Variants in BTN2A1 observed in about 807,000 individuals in gnomAD.
BTN2A1 encodes butyrophilin, subfamily 2, member A1.
Under a neutral mutation model 34.5 loss-of-function variants are expected in BTN2A1, and 41 were observed. The observed-to-expected ratio is 1.19, with a 90% CI of 0.93 to 1.54. BTN2A1 has a LOEUF of 1.54. Among genes scored for constraint, BTN2A1 ranks in the 40% most tolerant of loss-of-function variants. The probability of loss-of-function intolerance (pLI) is 0.00; values close to 1 mark genes in which losing one functional copy is unlikely to be tolerated. For missense variants in BTN2A1, 642 were observed against 662.0 expected, an observed-to-expected ratio of 0.97 and a Z score of 0.33; for synonymous variants, 267 against 258.6, an observed-to-expected ratio of 1.03 and a Z score of -0.31.
At chr6:26,463,667 C>T (rs1317989589) in intron 4 of BTN2A1, 142 bp downstream of exon 4, 1 of 994,970 alleles carries the variant, frequency 1.0e-6, no homozygotes, top group African/African-American at 1.6e-5. Flanking sequence ...CTGAGTGAAG[C>T]CTTTCCGCTT....
At chr6:26,473,655 A>G (rs1763487599), downstream of BTN2A1, among the ~76,000 whole-genome samples, 1 of 152,256 alleles carries the variant, frequency 6.6e-6, no homozygotes, top group African/African-American at 2.4e-5. Flanking sequence ...TATCATTTTA[A>G]TTAATACCTA....
At position 26,463,399 on chromosome 6, in the gene BTN2A1, G is replaced by A. The variant is rs1476186313; in HGVS notation, c.586G>A (p.Asp196Asn). The stretch of plus-strand genomic sequence containing the variant: ...TGCCCTGAAAGAGGTCTCCATGCCT[G>A]ATGCAGACGGCCTCTTCATGGTCAC... The part of the protein sequence containing the change: ...APALKEVSMP[D>N]ADGLFMVTTA... The change falls in exon 4 of 8, where the codon GAT becomes AAT. Residue 196 changes from aspartate to asparagine, a missense_variant. Asp to Asn is a conservative substitution (Grantham distance 23). Transcript: ENST00000312541. 3 of 1,613,472 alleles carry A rather than the reference G, an allele frequency of 1.9e-6. No individual in the cohort carries two copies. Among genetic ancestry groups the A allele is most frequent in the Non-Finnish European group, 8.5e-7 (1 of 1,179,496 alleles).
intron 2 of BTN2A1, 21 bp from the exon 3 acceptor site, chr6:26,459,460 C>G: frequency 6.2e-7 from 1 of 1,608,922 alleles, no homozygotes; most frequent in Non-Finnish European, 8.5e-7. Flanking sequence ...CTTTGTCTGA[C>G]TCTACCCCTT....
Position 26,468,244 on chromosome 6 carries a change from C to T in BTN2A1, c.1279C>T (p.His427Tyr). The T allele has an allele frequency of 1.2e-6, 2 of 1,614,170 alleles. No homozygotes were observed. Among genetic ancestry groups the T allele is most frequent in the South Asian group, 1.1e-5 (1 of 91,080 alleles). The change falls in exon 8 of 8, where the codon CAT becomes TAT. Residue 427 changes from histidine to tyrosine, a missense_variant. Physicochemically the swap from His to Tyr is moderately conservative, Grantham distance 83. Transcript: ENST00000312541. ...PQNGFWTLEM[H>Y]KGQYRAVSSP... Reference sequence around the variant, plus strand: ...GAATGGCTTCTGGACCTTGGAGATGCATAAAGGGCAATACCGGGCCGTGTC... The same window carrying T: ...GAATGGCTTCTGGACCTTGGAGATGTATAAAGGGCAATACCGGGCCGTGTC...
chr6:26,468,047 G>C lies in BTN2A1; in HGVS notation c.1082G>C (p.Ser361Thr), dbSNP rs1287650778. The change falls in exon 8 of 8, where the codon AGC (serine) becomes ACC (threonine). Residue 361 changes from serine to threonine, a missense_variant. Transcript: ENST00000312541. Reference sequence around the variant, plus strand: ...TGCCCCTTCAGGCACCTAGGGGAGAGCGTGCCTGACAACCCAGAGAGATTC... The same window carrying C: ...TGCCCCTTCAGGCACCTAGGGGAGACCGTGCCTGACAACCCAGAGAGATTC... ...RRCPFRHLGE[S>T]VPDNPERFDS... 1 of 1,614,112 alleles carries C rather than the reference G, an allele frequency of 6.2e-7. No homozygotes were observed. Among genetic ancestry groups the C allele is most frequent in the Non-Finnish European group, 8.5e-7 (1 of 1,180,048 alleles).
At chr6:26,463,660 AGT>A in intron 4 of BTN2A1, 135 bp downstream of exon 4, 1 of 1,047,988 alleles carries the variant, frequency 9.5e-7, no homozygotes, top group Non-Finnish European at 1.4e-6. Context: ...GCTGCAGCTG[AGT>A]GAAGCCTTTC....
rs757615588 is a variant in BTN2A1, at chr6:26,468,552, T to G, written c.*3T>G. Reference sequence around the variant, plus strand: ...TGGGGACCCACCAGAGCCTATAGAATCAATTCCTTGGTCTCACAGCCATGT... The same window carrying G: ...TGGGGACCCACCAGAGCCTATAGAAGCAATTCCTTGGTCTCACAGCCATGT... On this transcript the variant is annotated 3_prime_UTR_variant, in exon 8 of 8. Transcript: ENST00000312541. 13 of 1,613,946 alleles carry G rather than the reference T, an allele frequency of 8.1e-6. No individual in the cohort carries two copies. The highest frequency in any genetic ancestry group is 1.1e-5 in the Non-Finnish European group (13 of 1,180,022).
At chr6:26,471,641 AAAGAG>A (rs1374054364), downstream of BTN2A1, among the ~76,000 whole-genome samples, 1 of 150,310 alleles carries the variant, frequency 6.7e-6, no homozygotes, top group Admixed American at 6.6e-5. Flanking sequence ...TCAAAAAAGA[AAAGAG>A]AGAGAAGGAA....
Position 26,468,791 on chromosome 6 carries a change from T to C in BTN2A1, c.*242T>C. The C allele has an allele frequency of 1.3e-6, 2 of 1,593,422 alleles. No homozygotes were observed. Among genetic ancestry groups the C allele is most frequent in the Non-Finnish European group, 1.7e-6 (2 of 1,168,174 alleles). ...ATGGGATCCAGGCATAGGGAACTAG[T>C]TGTTACACAGCTCCCAGCCAAGAAG... On this transcript the variant is annotated 3_prime_UTR_variant, in exon 8 of 8. Coordinates refer to ENST00000312541, the MANE Select transcript of BTN2A1 (RefSeq NM_007049.5).
chr6:26,459,663 A>T lies in BTN2A1; in HGVS notation c.265A>T (p.Met89Leu), dbSNP rs1245655538. Residue 89 changes from methionine to leucine, a missense_variant, in exon 3 of 8, where the codon ATG becomes TTG. Met to Leu is a conservative substitution (Grantham distance 15). Transcript: ENST00000312541. Reference sequence around the variant, plus strand: ...TGGCAGAGAGAGAACAGAGGAGCAGATGGAGGAGTACCGAGGAAGAACCAC... The same window carrying T: ...TGGCAGAGAGAGAACAGAGGAGCAGTTGGAGGAGTACCGAGGAAGAACCAC... The part of the protein sequence containing the change: ...KGGRERTEEQ[M>L]EEYRGRTTFV... The T allele has an allele frequency of 6.2e-7, 1 of 1,614,024 alleles. No individual in the cohort carries two copies. Among genetic ancestry groups the T allele is most frequent in the Non-Finnish European group, 8.5e-7 (1 of 1,180,022 alleles).
intron 2 of BTN2A1, 109 bp from the exon 3 acceptor site, chr6:26,459,372 C>T: frequency 1.6e-6 from 2 of 1,249,412 alleles, no homozygotes; most frequent in South Asian, 2.9e-5. Flanking sequence ...CCAAAGAGAC[C>T]CTATGGCCAT....
In BTN2A1 at chr6:26,458,693, C is replaced by A. The variant is rs1390682938; in HGVS notation, c.57C>A (p.Leu19=). 6.2e-7 allele frequency: 1 copy of A among 1,614,168 alleles called. No homozygotes were observed. The highest frequency in any genetic ancestry group is 1.1e-5 in the South Asian group (1 of 91,078). The change falls in exon 2 of 8, where the codon CTC becomes CTA. Residue 19 remains leucine, a synonymous_variant. Coordinates refer to ENST00000312541, the MANE Select transcript of BTN2A1 (RefSeq NM_007049.5). ...GGCCAGCCTCCCTCCTCCTCCTCCT[C>A]CTCAGCCTGTGTGCACTGGTCTCAG... ...FSRPASLLLL[L]LSLCALVSAQ...
intron 7 of BTN2A1, among the ~76,000 whole-genome samples, chr6:26,475,886 A>G (rs933911449): frequency 2.0e-5 from 3 of 152,246 alleles, no homozygotes; most frequent in South Asian, 2.1e-4. Flanking sequence ...AAGAACATCA[A>G]TCTAAATTTA....
Position 26,463,287 on chromosome 6 carries a change from CG to C in BTN2A1, c.479del (p.Gly160AlafsTer30). The C allele has an allele frequency of 6.2e-7, 1 of 1,613,222 alleles. No homozygotes were observed. The highest frequency in any genetic ancestry group is 2.2e-5 in the East Asian group (1 of 44,870). Reference sequence around the variant, plus strand: ...TCATTTCAATGAGGGGCCATGAAGACGGGGGCATCCGGCTGGAGTGCATATC... The same window carrying C: ...TCATTTCAATGAGGGGCCATGAAGACGGGGCATCCGGCTGGAGTGCATATC... ...PLISMRGHED[G>X]GIRLECISRG... On this transcript the variant is annotated frameshift_variant, in exon 4 of 8. Transcript: ENST00000312541. LOFTEE classifies it high-confidence loss of function.
In BTN2A1 at chr6:26,459,714, G is replaced by T; in HGVS notation, c.316G>T (p.Gly106Cys). The T allele has an allele frequency of 3.7e-6, 6 of 1,614,160 alleles. No individual in the cohort carries two copies. The highest frequency in any genetic ancestry group is 4.2e-6 in the Non-Finnish European group (5 of 1,180,026). ...TTFVSKDISR[G>C]SVALVIHNIT... is the part of the protein sequence containing the mutation. ...CTTTGTGAGCAAAGACATCAGCAGG[G>T]GCAGCGTGGCCCTGGTCATACACAA... is the stretch of plus-strand genomic sequence containing the variant. The change falls in exon 3 of 8, where the codon GGC (glycine) becomes TGC (cysteine). Residue 106 changes from glycine to cysteine, a missense_variant. Physicochemically the swap from Gly to Cys is radical, Grantham distance 159. Coordinates refer to ENST00000312541, the MANE Select transcript of BTN2A1 (RefSeq NM_007049.5).
rs1763415175 is a variant in BTN2A1, at chr6:26,469,627, T to A, written c.*1078T>A. On this transcript the variant is annotated 3_prime_UTR_variant, in exon 8 of 8. Transcript: ENST00000312541. Reference sequence around the variant, plus strand: ...GTATCCAAAGCAAAATAAATTTTATTGTGAAGTGTGGCATTGATTAACTTT... The same window carrying A: ...GTATCCAAAGCAAAATAAATTTTATAGTGAAGTGTGGCATTGATTAACTTT... 1 of 152,934 alleles carries A rather than the reference T, an allele frequency of 6.5e-6. No individual in the cohort carries two copies. The allele number at this position is 152,934 out of a possible 1,614,324, so 9.5% of individuals were successfully genotyped here. A position where few individuals can be genotyped will look rare whatever the true frequency, so the allele number is the denominator to read the frequency against.
intron 5 of BTN2A1, 127 bp downstream of exon 5, chr6:26,465,533 TAAAAAAAAAAA>T (rs1248144461): frequency 1.6e-6 from 1 of 610,094 alleles, no homozygotes; most frequent in African/African-American, 1.9e-5. Flanking sequence ...CCTGTTTAAT[TAAAAAAAAAAA>T]GAAAAGAAAA....
At position 26,468,848 on chromosome 6, in the gene BTN2A1, G is replaced by C; in HGVS notation, c.*299G>C. On this transcript the variant is annotated 3_prime_UTR_variant, in exon 8 of 8. Coordinates refer to ENST00000312541, the MANE Select transcript of BTN2A1 (RefSeq NM_007049.5). Reference sequence around the variant, plus strand: ...TGAGAAGTTGATGGGCAGCAAACCTGCTGTTTAACATCAGGGTGACCACAT... The same window carrying C: ...TGAGAAGTTGATGGGCAGCAAACCTCCTGTTTAACATCAGGGTGACCACAT... 6.7e-7 allele frequency: 1 copy of C among 1,495,300 alleles called. No individual in the cohort carries two copies. Among genetic ancestry groups the C allele is most frequent in the Non-Finnish European group, 9.0e-7 (1 of 1,112,798 alleles). The allele number at this position is 1,495,300 out of a possible 1,614,324, so 92.6% of individuals were successfully genotyped here. A position where few individuals can be genotyped will look rare whatever the true frequency, so the allele number is the denominator to read the frequency against.
intron 2 of BTN2A1, 93 bp from the exon 3 acceptor site, chr6:26,459,384 GAAAA>G: frequency 1.4e-6 from 2 of 1,387,352 alleles, no homozygotes. Context: ...TATGGCCATG[GAAAA>G]AATAAGTTTG....
Sources: allele counts gnomAD v4.1 joint callset (sites outside exome capture counted in the v4.1 genomes callset), GRCh38; gene constraint gnomAD v4.1.1; transcripts MANE v1.5; gene names NCBI Gene and HGNC (gene_info 2026-07-23, HGNC 2026-07-21).